Variants in CCNF observed in about 807,000 individuals in gnomAD.
The protein encoded by CCNF is cyclin-F.
Under a neutral mutation model 85.4 loss-of-function variants are expected in CCNF, and 30 were observed. The observed-to-expected ratio is 0.35, with a 90% CI of 0.26 to 0.48. CCNF has a LOEUF of 0.48. Ranked by LOEUF, CCNF falls within the 20% of genes least tolerant of loss-of-function variation. The pLI, the probability that CCNF is intolerant of heterozygous loss-of-function variation, is 0.99. For synonymous variants in CCNF, 439 were observed against 425.1 expected (o/e 1.03, Z -0.40); for missense variants, 919 against 1,010.4 (o/e 0.91, Z 1.23).
intron 4 of CCNF, chr16:2,436,088 T>C (rs2065289721): frequency 2.1e-6 from 1 of 466,346 alleles, no homozygotes; most frequent in African/African-American, 2.0e-5. Flanking sequence ...AAGTCGCCTC[T>C]TGTTTTAGCA....
Position 2,457,306 on chromosome 16 carries a change from T to C in CCNF, c.*286T>C. The C allele has an allele frequency of 3.3e-6, 1 of 300,644 alleles. No individual in the cohort carries two copies. Among genetic ancestry groups the C allele is most frequent in the Non-Finnish European group, 6.2e-6 (1 of 161,456 alleles). The allele number at this position is 300,644 out of a possible 1,614,324, so 18.6% of individuals were successfully genotyped here. A position where few individuals can be genotyped will look rare whatever the true frequency, so the allele number is the denominator to read the frequency against. On this transcript the variant is annotated 3_prime_UTR_variant, in exon 17 of 17. Coordinates refer to ENST00000397066, the MANE Select transcript of CCNF (RefSeq NM_001761.3). ...TCTCTGTCCCTTCCGTGTCTCACTGTCTCTGGAAGCTTCAGCCCATGTGTG... is the reference window on the plus strand; with the variant it reads ...TCTCTGTCCCTTCCGTGTCTCACTGCCTCTGGAAGCTTCAGCCCATGTGTG...
chr16:2,456,515 T>A lies in CCNF; in HGVS notation c.1886-30T>A. On this transcript the variant is annotated intron_variant, in intron 16 of 16. Transcript: ENST00000397066. This position sits in a 1 kb window ranked among gnomAD's most constrained non-coding sequence, Gnocchi z 4.5. Reference sequence around the variant, plus strand: ...TCTCCCCTGATGCTTGGGTGTGACATGACTTCCCTCCCCACCAACCTTCCT... The same window carrying A: ...TCTCCCCTGATGCTTGGGTGTGACAAGACTTCCCTCCCCACCAACCTTCCT... 6.8e-7 allele frequency: 1 copy of A among 1,469,520 alleles called. No individual in the cohort carries two copies. The highest frequency in any genetic ancestry group is 9.1e-7 in the Non-Finnish European group (1 of 1,099,376). 91.0% of individuals were successfully genotyped at this position (1,469,520 alleles called of 1,614,324 possible). A position where few individuals can be genotyped will look rare whatever the true frequency, so the allele number is the denominator to read the frequency against.
intron 8 of CCNF, among the ~76,000 whole-genome samples, chr16:2,441,937 TTATATATATATATATA>T (rs55737759): frequency 0.022 from 1,327 of 60,158 alleles, 23 homozygotes; most frequent in African/African-American, 0.027. Flanking sequence ...TATTAGCAAA[TTATATATATATATATA>T]TATATATATA....
Position 2,456,482 on chromosome 16 carries a change from G to A in CCNF, c.1886-63G>A. On this transcript the variant is annotated intron_variant, in intron 16 of 16. Transcript: ENST00000397066. The surrounding 1 kb of genome is among the most constrained non-coding windows in gnomAD (Gnocchi z 4.5). ...ACCTGGACTTCAGGGTCCTGACCTG[G>A]CAGGGGGTCTCCCCTGATGCTTGGG... The A allele has an allele frequency of 8.4e-7, 1 of 1,192,108 alleles. No homozygotes were observed. The highest frequency in any genetic ancestry group is 1.2e-6 in the Non-Finnish European group (1 of 865,548). The allele number at this position is 1,192,108 out of a possible 1,614,324, so 73.8% of individuals were successfully genotyped here.
At chr16:2,442,844 T>C (rs12924306) in intron 8 of CCNF, among the ~76,000 whole-genome samples, 1 of 82,076 alleles carries the variant, frequency 1.2e-5, no homozygotes, top group African/African-American at 5.0e-5. Context: ...TATATTCTAT[T>C]ATATATAATA....
chr16:2,435,565 A>G (rs949437171), intron 3 of CCNF, among the ~76,000 whole-genome samples: 2 of 151,582 alleles, frequency 1.3e-5, no homozygotes, highest in Non-Finnish European at 2.9e-5. Context: ...AGCCTGGGCA[A>G]CAGAGCAAGA....
Position 2,431,406 on chromosome 16 carries a change from C to T in CCNF, c.171+122C>T, listed in dbSNP as rs185695813. 77 of 1,037,142 alleles carry T rather than the reference C, an allele frequency of 7.4e-5. No individual in the cohort carries two copies. In the African/African-American group the frequency reaches 8.9e-4, roughly 12 times the overall value. 64.2% of individuals were successfully genotyped at this position (1,037,142 alleles called of 1,614,324 possible). ...AAGAGGTTGGGGCAGAGGCCAGGCA[C>T]GGTGGCTCATGCCTTAATCCTAGCA... is the stretch of plus-strand genomic sequence containing the variant. On this transcript the variant is annotated intron_variant, in intron 2 of 16. Coordinates refer to ENST00000397066, the MANE Select transcript of CCNF (RefSeq NM_001761.3).
rs1440433668 is a variant in CCNF at position 2,456,080 on chromosome 16, G to A, written c.1886-465G>A. 1.3e-5 allele frequency among the ~76,000 whole-genome samples: 2 copies of A among 152,204 alleles called. No individual in the cohort carries two copies. Among genetic ancestry groups the A allele is most frequent in the African/African-American group, 4.8e-5 (2 of 41,462 alleles). ...GGAGGCTGAGGTGGGAGGATCTCTT[G>A]AGCACAGGAGGTGGGAGCTGCAGTG... On this transcript the variant is annotated intron_variant, in intron 16 of 16. Transcript: ENST00000397066. The surrounding 1 kb of genome is among the most constrained non-coding windows in gnomAD (Gnocchi z 4.5).
Position 2,448,796 on chromosome 16 carries a change from C to T in CCNF, c.1095-59C>T, listed in dbSNP as rs922275787. ...GGCCTCCTAAAGCCTTGGGTCCCTC[C>T]GCCCCACCCCTGCCCCAGGAAGTGG... is the stretch of plus-strand genomic sequence containing the variant. On this transcript the variant is annotated intron_variant, in intron 10 of 16. Transcript: ENST00000397066. The T allele has an allele frequency of 7.7e-6, 12 of 1,559,882 alleles. No individual in the cohort carries two copies. The Middle Eastern group carries it at 5.1e-4, about 66-fold the overall frequency.
rs1461428082 is a variant in CCNF at position 2,456,091 on chromosome 16, G to T, written c.1886-454G>T. 6.6e-6 allele frequency among the ~76,000 whole-genome samples: 1 copy of T among 152,228 alleles called. No individual in the cohort carries two copies. The highest frequency in any genetic ancestry group is 1.5e-5 in the Non-Finnish European group (1 of 68,048). On this transcript the variant is annotated intron_variant, in intron 16 of 16. Coordinates refer to ENST00000397066, the MANE Select transcript of CCNF (RefSeq NM_001761.3). The surrounding 1 kb of genome is among the most constrained non-coding windows in gnomAD (Gnocchi z 4.5). ...TGGGAGGATCTCTTGAGCACAGGAG[G>T]TGGGAGCTGCAGTGAGCCGTGATCA...
intron 9 of CCNF, among the ~76,000 whole-genome samples, chr16:2,445,077 T>A (rs2065354023): frequency 6.6e-6 from 1 of 152,030 alleles, no homozygotes; most frequent in Non-Finnish European, 1.5e-5. Flanking sequence ...GGGGCATCAT[T>A]TACCGTATTG....
At chr16:2,437,482 T>G in intron 5 of CCNF, 160 bp downstream of exon 5, 2 of 589,562 alleles carry the variant, frequency 3.4e-6, no homozygotes, top group Non-Finnish European at 5.8e-6. Context: ...CATCTGGAAA[T>G]CAGCTGGCAC....
rs1284184523 is a variant in CCNF at position 2,455,376 on chromosome 16, G to A, written c.1716-19G>A. ...CCGCCGTCCATGACTGGGTCTCCTG[G>A]GCTCTCTCCACCTTGCAGGAAGCGG... On this transcript the variant is annotated intron_variant, in intron 15 of 16. Coordinates refer to ENST00000397066, the MANE Select transcript of CCNF (RefSeq NM_001761.3). 2 of 1,566,770 alleles carry A rather than the reference G, an allele frequency of 1.3e-6. No homozygotes were observed. Among genetic ancestry groups the A allele is most frequent in the Non-Finnish European group, 8.7e-7 (1 of 1,147,076 alleles).
Position 2,443,707 on chromosome 16 carries a change from C to G in CCNF, c.836C>G (p.Ser279Cys). 1 of 1,614,076 alleles carries G rather than the reference C, an allele frequency of 6.2e-7. No individual in the cohort carries two copies. ...CAGCTTGGACTGGAGGTGAGAGCTTCCAGTGAGATCGTCTGCCAGCTATTT... is the reference window on the plus strand; with the variant it reads ...CAGCTTGGACTGGAGGTGAGAGCTTGCAGTGAGATCGTCTGCCAGCTATTT... ...ANQLGLEVRA[S>C]SEIVCQLFQA... Residue 279 changes from serine to cysteine, a missense_variant, in exon 9 of 17, where the codon TCC (serine) becomes TGC (cysteine). Ser to Cys is a moderately radical substitution (Grantham distance 112). Transcript: ENST00000397066.
chr16:2,431,725 T>C (rs997329674), intron 2 of CCNF, among the ~76,000 whole-genome samples: 1 of 149,960 alleles, frequency 6.7e-6, no homozygotes, highest in Non-Finnish European at 1.5e-5. Flanking sequence ...ACAAGGATGA[T>C]ATCATTACCA....
chr16:2,434,982 T>TG (rs1247321662), intron 3 of CCNF, among the ~76,000 whole-genome samples: 1 of 151,924 alleles, frequency 6.6e-6, no homozygotes, highest in African/African-American at 2.4e-5. Flanking sequence ...CGACCGAGCG[T>TG]GGTGGCTCAC....
chr16:2,447,759 A>C (rs1190980898), intron 10 of CCNF, among the ~76,000 whole-genome samples: 1 of 151,958 alleles, frequency 6.6e-6, no homozygotes. Flanking sequence ...GTCTCAAAAA[A>C]AAAAAGATTT....
rs370263039 is a variant in CCNF at position 2,453,552 on chromosome 16, G to A, written c.1715+15G>A. ...AGAACCAAACGGTTAGTTACCCTGC[G>A]TTCTGGCTGCGCCATACAATGCTGG... On this transcript the variant is annotated intron_variant, in intron 15 of 16. Transcript: ENST00000397066. This position sits in a 1 kb window ranked among gnomAD's most constrained non-coding sequence, Gnocchi z 5.6. 119 of 1,613,544 alleles carry A rather than the reference G, an allele frequency of 7.4e-5. No homozygotes were observed. The highest frequency in any genetic ancestry group is 1.6e-4 in the Middle Eastern group (1 of 6,084).
In CCNF at chr16:2,443,636, T is replaced by C. The variant is rs760553008; in HGVS notation, c.778-13T>C. On this transcript the variant is annotated splice_polypyrimidine_tract_variant and intron_variant, in intron 8 of 16. Transcript: ENST00000397066. ...CTGCTGTCTCACGCTCATGTTTGTC[T>C]TTTCTTCCTCAGCTGTCTTTAGCCA... 7.5e-6 allele frequency: 12 copies of C among 1,610,422 alleles called. No individual in the cohort carries two copies. Among genetic ancestry groups the C allele is most frequent in the Non-Finnish European group, 1.0e-5 (12 of 1,177,020 alleles).
Sources: gnomAD v4.1 joint callset for allele counts (sites outside exome capture counted in the v4.1 genomes callset) on GRCh38, gnomAD v4.1.1 for gene constraint, Gnocchi (gnomAD v3.1) non-coding constraint, MANE v1.5 for transcripts, NCBI Gene and HGNC (gene_info 2026-07-23, HGNC 2026-07-21) for gene names.